The following TMEM161B variants were observed in gnomAD, a reference collection of about 807,000 sequenced individuals.
TMEM161B encodes the protein transmembrane protein 161B.
TMEM161B carries 34 observed loss-of-function variants against 61.8 expected under a neutral mutation model. The observed-to-expected ratio is 0.55, with a 90% CI of 0.42 to 0.73. The LOEUF is 0.73. Ranked by LOEUF, TMEM161B falls within the 30% of genes least tolerant of loss-of-function variation. TMEM161B has a pLI of 0.00. For synonymous variants in TMEM161B, 167 were observed against 192.8 expected (o/e 0.87, Z 1.11); for missense variants, 456 against 558.5 (o/e 0.82, Z 1.85).
At chr5:88,211,678 G>A (rs1172400671) in intron 5 of TMEM161B, among the ~76,000 whole-genome samples, 5 of 151,536 alleles carry the variant, frequency 3.3e-5, no homozygotes, top group African/African-American at 1.2e-4. Context: ...AGCTGAGGAA[G>A]GAGAATTGCT....
chr5:88,191,471 G>A (rs1326188663), downstream of TMEM161B, among the ~76,000 whole-genome samples: 1 of 152,126 alleles, frequency 6.6e-6, no homozygotes, highest in African/African-American at 2.4e-5. Flanking sequence ...CACATTACAG[G>A]CACTCAACAT....
intron 4 of TMEM161B, among the ~76,000 whole-genome samples, chr5:88,223,463 A>ATATAAAT: frequency 6.6e-6 from 1 of 152,344 alleles, no homozygotes; most frequent in East Asian, 1.9e-4. Flanking sequence ...ATTTTATACA[A>ATATAAAT]GTAAGCGCAT....
downstream of TMEM161B, among the ~76,000 whole-genome samples, chr5:88,191,262 G>T (rs1238815098): frequency 6.6e-6 from 1 of 152,184 alleles, no homozygotes; most frequent in African/African-American, 2.4e-5. Flanking sequence ...CAGCAAGATA[G>T]CAGAAGAGGA....
rs375218954 is a variant in TMEM161B, at chr5:88,250,193, AAGAGAG to A, written c.4-9283_4-9278del. Reference sequence around the variant, plus strand: ...GCACAGAGAGAGAGAAAGAGAGAGAAAGAGAGAGAGAGAGAGAGAGACCGAGACCAG... The same window carrying A: ...GCACAGAGAGAGAGAAAGAGAGAGAAAGAGAGAGAGAGAGACCGAGACCAG... On this transcript the variant is annotated intron_variant, in intron 1 of 11. Coordinates refer to ENST00000296595, the MANE Select transcript of TMEM161B (RefSeq NM_153354.5). 2.6e-3 allele frequency among the ~76,000 whole-genome samples: 388 copies of A among 148,540 alleles called. 1 individual carries two copies. The highest frequency in any genetic ancestry group is 4.5e-3 in the Non-Finnish European group (299 of 67,002).
downstream of TMEM161B, chr5:88,190,320 G>A (rs1378610662): frequency 5.7e-6 from 4 of 696,762 alleles, no homozygotes; most frequent in Admixed American, 4.0e-5. Flanking sequence ...AATGCGAGAT[G>A]TAGAAATACT....
intron 1 of TMEM161B, among the ~76,000 whole-genome samples, chr5:88,243,951 T>C (rs987310398): frequency 2.6e-5 from 4 of 151,978 alleles, no homozygotes; most frequent in Non-Finnish European, 4.4e-5. Flanking sequence ...TATCTGTTCA[T>C]GTCCTTTGCC....
chr5:88,221,882 T>TG (rs779037562), intron 4 of TMEM161B: 1 of 382,924 alleles, frequency 2.6e-6, no homozygotes, highest in Non-Finnish European at 5.3e-6. Context: ...CAATTACACT[T>TG]GAAGATACGA....
downstream of TMEM161B, among the ~76,000 whole-genome samples, chr5:88,194,052 T>C (rs1036975366): frequency 2.0e-5 from 3 of 152,154 alleles, no homozygotes; most frequent in African/African-American, 7.2e-5. Context: ...TATGGGTGTA[T>C]TGCACAATGC....
Position 88,206,943 on chromosome 5 carries a change from T to C in TMEM161B, c.598+86A>G, listed in dbSNP as rs1745617289. On this transcript the variant is annotated intron_variant, in intron 6 of 11. Transcript: ENST00000296595. Reference sequence around the variant, plus strand: ...CTTTAAATTTAATTTTAGATATTTATCAGACATAAAACTTAAATACTGAAG... The same window carrying C: ...CTTTAAATTTAATTTTAGATATTTACCAGACATAAAACTTAAATACTGAAG... 1.8e-6 allele frequency: 2 copies of C among 1,106,448 alleles called. No individual in the cohort carries two copies. Among genetic ancestry groups the C allele is most frequent in the Admixed American group, 2.3e-5 (1 of 43,892 alleles). 68.5% of individuals were successfully genotyped at this position (1,106,448 alleles called of 1,614,324 possible). A position where few individuals can be genotyped will look rare whatever the true frequency, so the allele number is the denominator to read the frequency against.
At chr5:88,242,168 C>T (rs1483268126) in intron 1 of TMEM161B, among the ~76,000 whole-genome samples, 2 of 151,682 alleles carry the variant, frequency 1.3e-5, no homozygotes, top group Non-Finnish European at 3.0e-5. Context: ...CTCATATTCA[C>T]AGCCACTTTT....
chr5:88,251,793 C>T (rs1040311365), intron 1 of TMEM161B, among the ~76,000 whole-genome samples: 2 of 152,112 alleles, frequency 1.3e-5, no homozygotes, highest in African/African-American at 4.8e-5. Context: ...GAAAATTCAA[C>T]TAACAAGAAC....
At chr5:88,235,049 CTAAAT>C (rs1751616561) in intron 2 of TMEM161B, among the ~76,000 whole-genome samples, 2 of 152,134 alleles carry the variant, frequency 1.3e-5, no homozygotes, top group African/African-American at 4.8e-5. Flanking sequence ...CTGTACTCTA[CTAAAT>C]TAATTTCTCA....
chr5:88,226,120 CT>C (rs1160453631), intron 3 of TMEM161B, among the ~76,000 whole-genome samples: 1 of 151,432 alleles, frequency 6.6e-6, no homozygotes, highest in African/African-American at 2.4e-5. Context: ...GCAACAAAAT[CT>C]TTTTTTTTCT....
At chr5:88,254,673 C>T (rs1028654623) in intron 1 of TMEM161B, among the ~76,000 whole-genome samples, 7 of 151,766 alleles carry the variant, frequency 4.6e-5, no homozygotes, top group Non-Finnish European at 1.0e-4. Context: ...ACCCTTCTAC[C>T]AAAAGTAAAA....
At chr5:88,185,646 A>G (rs1343431179), downstream of TMEM161B, among the ~76,000 whole-genome samples, 2 of 152,224 alleles carry the variant, frequency 1.3e-5, no homozygotes, top group Non-Finnish European at 2.9e-5. Context: ...TAAAGACTCA[A>G]TTTGAACTTA....
rs1266761247 is a variant in TMEM161B, at chr5:88,240,927, AAAAC to A, written c.4-15_4-12del. On this transcript the variant is annotated splice_polypyrimidine_tract_variant and intron_variant, in intron 1 of 11. Transcript: ENST00000296595. Reference sequence around the variant, plus strand: ...TATACCTATCACACCCTGTGTAAAAAAAACAAACAAATTTAATAATGAATGATTT... The same window carrying A: ...TATACCTATCACACCCTGTGTAAAAAAAACAAATTTAATAATGAATGATTT... The A allele has an allele frequency of 8.6e-6, 13 of 1,517,874 alleles. No homozygotes were observed. Among genetic ancestry groups the A allele is most frequent in the Non-Finnish European group, 1.1e-5 (12 of 1,126,158 alleles). The allele number at this position is 1,517,874 out of a possible 1,614,324, so 94.0% of individuals were successfully genotyped here.
intron 2 of TMEM161B, among the ~76,000 whole-genome samples, chr5:88,234,408 A>G (rs1166860330): frequency 6.6e-6 from 1 of 152,212 alleles, no homozygotes; most frequent in Non-Finnish European, 1.5e-5. Flanking sequence ...GGCAGTATAA[A>G]GCAGCCATCT....
intron 9 of TMEM161B, chr5:88,200,555 C>T (rs1269444893): frequency 1.3e-5 from 2 of 151,984 alleles, no homozygotes; most frequent in Non-Finnish European, 2.9e-5. Flanking sequence ...AGGTAGTGAA[C>T]TAGAAAATTA....
intron 8 of TMEM161B, among the ~76,000 whole-genome samples, chr5:88,204,457 C>A (rs771077969): frequency 2.0e-5 from 3 of 152,154 alleles, no homozygotes; most frequent in Non-Finnish European, 4.4e-5. Context: ...ATTCTTTCAT[C>A]CCACAGACTG....
Sources: gnomAD v4.1 joint callset for allele counts (sites outside exome capture counted in the v4.1 genomes callset) on GRCh38, gnomAD v4.1.1 for gene constraint, MANE v1.5 for transcripts, NCBI Gene and HGNC (gene_info 2026-07-23, HGNC 2026-07-21) for gene names.